Variants in DIP2A observed in about 807,000 individuals in gnomAD.
The protein encoded by DIP2A is DIP2 acetate--CoA ligase A.
Under a neutral mutation model 177.4 loss-of-function variants are expected in DIP2A, and 85 were observed. The ratio of observed to expected loss-of-function variants is 0.48; its 90% CI spans 0.40 to 0.57. The LOEUF (loss-of-function observed/expected upper bound fraction) is 0.57, where lower values mean the gene tolerates loss of function less well. DIP2A is among the 20% of genes least tolerant of loss of function. The probability of loss-of-function intolerance (pLI) is 0.00; values close to 1 mark genes in which losing one functional copy is unlikely to be tolerated. For missense variants in DIP2A, 1,791 were observed against 2,100.2 expected (o/e 0.85, Z 2.88); for synonymous variants, 886 against 881.8 (o/e 1.00, Z -0.08).
chr21:46,563,802 AAG>A lies in DIP2A; in HGVS notation c.4090-51_4090-50del. On this transcript the variant is annotated intron_variant, in intron 34 of 37. Transcript: ENST00000417564. The surrounding 1 kb of genome is among the most constrained non-coding windows in gnomAD (Gnocchi z 4.3). ...GACGTTATTTTAATGTCACTGAATC[AAG>A]AGAGTCTCGTGTCATGTTTTCTTTA... is the stretch of plus-strand genomic sequence containing the variant. 2 of 1,597,300 alleles carry A rather than the reference AAG, an allele frequency of 1.3e-6. No individual in the cohort carries two copies. The highest frequency in any genetic ancestry group is 2.2e-5 in the East Asian group (1 of 44,450).
At chr21:46,481,805 C>A (rs1238007556) in intron 1 of DIP2A, among the ~76,000 whole-genome samples, 2 of 152,170 alleles carry the variant, frequency 1.3e-5, no homozygotes, top group Non-Finnish European at 2.9e-5. Flanking sequence ...AATCCCAGCA[C>A]TTTGGGAGGC....
chr21:46,519,889 T>G (rs2058748416), intron 8 of DIP2A, among the ~76,000 whole-genome samples: 1 of 105,740 alleles, frequency 9.5e-6, no homozygotes, highest in Non-Finnish European at 1.9e-5. Flanking sequence ...TTTTTTTTTT[T>G]TTTGAGATGG....
At position 46,546,697 on chromosome 21, in the gene DIP2A, C is replaced by T. The variant is rs1293359750; in HGVS notation, c.2395-218C>T. 7.9e-5 allele frequency among the ~76,000 whole-genome samples: 12 copies of T among 152,320 alleles called. No homozygotes were observed. In the South Asian group the frequency reaches 1.5e-3, roughly 18 times the overall value. ...TGTTGCCTCCCTTCCTGATGCTGCC[C>T]CACCAGCCCCCATTCCTTCCACACA... On this transcript the variant is annotated intron_variant, in intron 20 of 37. Transcript: ENST00000417564.
At chr21:46,579,093 T>A in the DIP2A span, among the ~76,000 whole-genome samples, 1 of 152,204 alleles carries the variant, frequency 6.6e-6, no homozygotes. Context: ...GTCCTGGGTT[T>A]TTTTTGGTTG....
rs1438972960 is a variant in DIP2A at position 46,554,864 on chromosome 21, C to T, written c.3319C>T (p.Arg1107Trp). Reference sequence around the variant, plus strand: ...CGTCCTCACCACGCAGGCTGTCACACGGCTGCTCAGGTCCAAGGAGGCTGC... The same window carrying T: ...CGTCCTCACCACGCAGGCTGTCACATGGCTGCTCAGGTCCAAGGAGGCTGC... Reference protein sequence around the residue: ...ACVLTTQAVTRLLRSKEAAAA... With the variant: ...ACVLTTQAVTWLLRSKEAAAA... The change falls in exon 28 of 38, where the codon CGG (arginine) becomes TGG (tryptophan). Residue 1107 changes from arginine to tryptophan, a missense_variant. By Grantham distance (101) the Arg-to-Trp change is moderately radical. Coordinates refer to ENST00000417564, the MANE Select transcript of DIP2A (RefSeq NM_015151.4). 22 of 1,550,780 alleles carry T rather than the reference C, an allele frequency of 1.4e-5. No individual in the cohort carries two copies. Among genetic ancestry groups the T allele is most frequent in the South Asian group, 8.3e-5 (7 of 84,030 alleles).
In DIP2A at chr21:46,490,687, C is replaced by T. The variant is rs1329809429; in HGVS notation, c.251C>T (p.Pro84Leu). The T allele has an allele frequency of 1.3e-6, 2 of 1,587,328 alleles. No individual in the cohort carries two copies. Among genetic ancestry groups the T allele is most frequent in the Non-Finnish European group, 1.7e-6 (2 of 1,167,032 alleles). ...GCACCCAAGCAGCAGAAGTCTCGGCCCACCGCCTCGAGGGATGAGCGCTTC... is the reference window on the plus strand; with the variant it reads ...GCACCCAAGCAGCAGAAGTCTCGGCTCACCGCCTCGAGGGATGAGCGCTTC... ...AAAPKQQKSR[P>L]TASRDERFRS... The change falls in exon 3 of 38, where the codon CCC becomes CTC. Residue 84 changes from proline (P) to leucine (L), a missense_variant. Coordinates refer to ENST00000417564, the MANE Select transcript of DIP2A (RefSeq NM_015151.4).
At chr21:46,459,888 G>C (rs1038098279) in intron 1 of DIP2A, among the ~76,000 whole-genome samples, 9 of 152,018 alleles carry the variant, frequency 5.9e-5, no homozygotes, top group Admixed American at 1.3e-4. Context: ...AGAATCTTGA[G>C]AGGAATGACC....
the DIP2A span, among the ~76,000 whole-genome samples, chr21:46,578,313 A>AAAAC: frequency 6.6e-6 from 1 of 151,834 alleles, no homozygotes; most frequent in African/African-American, 2.4e-5. Context: ...TCCGTCTCAA[A>AAAAC]AAACAAACAA....
At chr21:46,545,064 C>A in intron 18 of DIP2A, 73 bp from the exon 19 acceptor site, 1 of 1,447,010 alleles carries the variant, frequency 6.9e-7, no homozygotes, top group Non-Finnish European at 9.3e-7. Flanking sequence ...GCACATACAG[C>A]AGCAAGGAGA....
At chr21:46,534,770 A>G in intron 13 of DIP2A, 83 bp downstream of exon 13, 1 of 1,176,686 alleles carries the variant, frequency 8.5e-7, no homozygotes, top group Non-Finnish European at 1.2e-6. Context: ...CTGTCACTGC[A>G]CCTGTCAAAA....
At chr21:46,555,542 G>A (rs2060436010) in intron 28 of DIP2A, 1 of 206,036 alleles carries the variant, frequency 4.9e-6, no homozygotes, top group Non-Finnish European at 1.0e-5. Flanking sequence ...CACCCAGGGA[G>A]GCAGTGGTGT....
At chr21:46,551,785 C>A in intron 24 of DIP2A, 39 bp from the exon 25 acceptor site, 1 of 1,613,008 alleles carries the variant, frequency 6.2e-7, no homozygotes, top group Non-Finnish European at 8.5e-7. Context: ...GGTGTCTGTG[C>A]CCCGGAGGCG....
intron 10 of DIP2A, among the ~76,000 whole-genome samples, chr21:46,532,918 A>T (rs1020656465): frequency 2.6e-5 from 4 of 152,254 alleles, no homozygotes; most frequent in African/African-American, 9.6e-5. Context: ...CAGGAGCATT[A>T]TCCAGAAATA....
chr21:46,549,281 G>T (rs1055504411), intron 21 of DIP2A, among the ~76,000 whole-genome samples: 3 of 152,070 alleles, frequency 2.0e-5, no homozygotes, highest in African/African-American at 7.2e-5. Flanking sequence ...AAAAGACAAA[G>T]ATATCAACTC....
At chr21:46,495,244 T>TTC (rs371550332) in intron 3 of DIP2A, among the ~76,000 whole-genome samples, 920 of 38,110 alleles carry the variant, frequency 0.024, 62 homozygotes, top group Admixed American at 0.058. Context: ...CTTCTCTTCT[T>TTC]TCTCTCTCTC....
At position 46,498,612 on chromosome 21, in the gene DIP2A, C is replaced by G. The variant is rs377394571; in HGVS notation, c.434C>G (p.Ser145Cys). The G allele has an allele frequency of 2.5e-6, 4 of 1,612,448 alleles. No individual in the cohort carries two copies. The highest frequency in any genetic ancestry group is 3.4e-6 in the Non-Finnish European group (4 of 1,179,194). ...TCGTCTGCCTCAGAAGATGAGGGCTCTTTACGGCGACCCGGGCGACTCACC... is the reference window on the plus strand; with the variant it reads ...TCGTCTGCCTCAGAAGATGAGGGCTGTTTACGGCGACCCGGGCGACTCACC... ...DTSSASEDEG[S>C]LRRPGRLTST... The change falls in exon 5 of 38, where the codon TCT becomes TGT. Residue 145 changes from serine (S) to cysteine (C), a missense_variant. Physicochemically the swap from Ser to Cys is moderately radical, Grantham distance 112. Coordinates refer to ENST00000417564, the MANE Select transcript of DIP2A (RefSeq NM_015151.4). The surrounding 1 kb of genome is among the most constrained non-coding windows in gnomAD (Gnocchi z 4.3).
chr21:46,477,914 G>C (rs939533448), intron 1 of DIP2A, among the ~76,000 whole-genome samples: 5 of 151,996 alleles, frequency 3.3e-5, no homozygotes, highest in African/African-American at 1.2e-4. Context: ...AATTCACCTG[G>C]AATTTAATTT....
rs1414562711 is a variant in DIP2A at position 46,537,643 on chromosome 21, A to G, written c.1801+104A>G. ...ATAAAGCTGACATGTGGAACTGCAG[A>G]TGTAGGCTGAAGAGCTGTGGGACGT... is the stretch of plus-strand genomic sequence containing the variant. On this transcript the variant is annotated intron_variant, in intron 15 of 37. Coordinates refer to ENST00000417564, the MANE Select transcript of DIP2A (RefSeq NM_015151.4). This position sits in a 1 kb window ranked among gnomAD's most constrained non-coding sequence, Gnocchi z 4.1. 9 of 1,125,930 alleles carry G rather than the reference A, an allele frequency of 8.0e-6. No homozygotes were observed. The highest frequency in any genetic ancestry group is 9.2e-6 in the Non-Finnish European group (7 of 763,664). The allele number at this position is 1,125,930 out of a possible 1,614,324, so 69.7% of individuals were successfully genotyped here. A position where few individuals can be genotyped will look rare whatever the true frequency, so the allele number is the denominator to read the frequency against.
At position 46,538,594 on chromosome 21, in the gene DIP2A, C is replaced by T; in HGVS notation, c.1913C>T (p.Ala638Val). 6.4e-7 allele frequency: 1 copy of T among 1,552,728 alleles called. No individual in the cohort carries two copies. Among genetic ancestry groups the T allele is most frequent in the Non-Finnish European group, 8.7e-7 (1 of 1,149,888 alleles). Residue 638 changes from alanine to valine, a missense_variant, in exon 16 of 38, where the codon GCC becomes GTC. Transcript: ENST00000417564. The part of the protein sequence containing the change: ...SLRMLIVADG[A>V]NPWSISSCDA... ...CGCATGCTGATTGTGGCCGATGGTG[C>T]CAACCCGTGTGAGTGAGCCTGTGTG... is the stretch of plus-strand genomic sequence containing the variant.
Sources: allele counts gnomAD v4.1 joint callset (sites outside exome capture counted in the v4.1 genomes callset), GRCh38; gene constraint gnomAD v4.1.1; non-coding constraint Gnocchi (gnomAD v3.1); transcripts MANE v1.5; gene names NCBI Gene and HGNC (gene_info 2026-07-23, HGNC 2026-07-21).